ZNF362: variants seen among roughly 807,000 people sequenced by gnomAD.
The protein encoded by ZNF362 is rotund homolog.
A neutral mutation model predicts 42.9 loss-of-function variants in ZNF362; 11 were observed. That is an observed-to-expected ratio of 0.26 (90% CI 0.16 to 0.42). ZNF362 has a LOEUF of 0.42. ZNF362 is among the 20% of genes least tolerant of loss of function. The pLI is 1.00. For missense variants in ZNF362, 362 were observed against 576.2 expected, an observed-to-expected ratio of 0.63 and a Z score of 3.81; for synonymous variants, 255 against 257.3, an observed-to-expected ratio of 0.99 and a Z score of 0.09.
At chr1:33,274,705 C>G (rs896223227) in intron 2 of ZNF362, among the ~76,000 whole-genome samples, 4 of 152,184 alleles carry the variant, frequency 2.6e-5, no homozygotes, top group African/African-American at 9.7e-5. Flanking sequence ...ATTTGCTCTT[C>G]CAAAGACTAG....
chr1:33,214,234 A>G, the ZNF362 span, among the ~76,000 whole-genome samples: 5 of 152,248 alleles, frequency 3.3e-5, no homozygotes, highest in Non-Finnish European at 7.3e-5. Context: ...TGCTAAGAAC[A>G]TTCACTGGGG....
At chr1:33,214,072 A>G in the ZNF362 span, among the ~76,000 whole-genome samples, 1 of 152,188 alleles carries the variant, frequency 6.6e-6, no homozygotes, top group Non-Finnish European at 1.5e-5. Flanking sequence ...AAAATGTGAA[A>G]TAAGAAAAAA....
the ZNF362 span, among the ~76,000 whole-genome samples, chr1:33,243,603 C>CT: frequency 6.8e-3 from 963 of 141,224 alleles, 14 homozygotes; most frequent in African/African-American, 0.02. Context: ...ATTTTCTTTT[C>CT]TTTTTTTTTT....
In ZNF362 at chr1:33,276,147, C is replaced by A. The variant is rs1342062443; in HGVS notation, c.86C>A (p.Pro29His). 3.1e-6 allele frequency: 5 copies of A among 1,613,846 alleles called. No homozygotes were observed. Among genetic ancestry groups the A allele is most frequent in the Non-Finnish European group, 4.2e-6 (5 of 1,180,016 alleles). ...AACCCCTACTTCTGGCCCCCTCCTC[C>A]CACCATGCCCAGCCAGGTAAGACTG... Reference protein sequence around the residue: ...FNNPYFWPPPPTMPSQLDNLV... With the variant: ...FNNPYFWPPPHTMPSQLDNLV... Residue 29 changes from proline (P) to histidine (H), a missense_variant, in exon 3 of 9, where the codon CCC becomes CAC. Physicochemically the swap from Pro to His is moderately conservative, Grantham distance 77 (BLOSUM62 -2). Around this residue, in one of 3 missense-constraint regions of ZNF362, gnomAD observed 266 missense variants for 365.4 expected, o/e 0.73. Coordinates refer to ENST00000539719, the MANE Select transcript of ZNF362 (RefSeq NM_152493.3).
chr1:33,230,696 G>A, the ZNF362 span, among the ~76,000 whole-genome samples: 2 of 152,326 alleles, frequency 1.3e-5, no homozygotes, highest in Non-Finnish European at 2.9e-5. Flanking sequence ...ATACAGCAGC[G>A]CAAGCTGGAA....
chr1:33,298,965 G>A lies in ZNF362; in HGVS notation c.1182G>A (p.Thr394=), dbSNP rs778462264. 26 of 1,613,742 alleles carry A rather than the reference G, an allele frequency of 1.6e-5. No individual in the cohort carries two copies. Among genetic ancestry groups the A allele is most frequent in the African/African-American group, 8.0e-5 (6 of 74,932 alleles). The stretch of plus-strand genomic sequence containing the variant: ...TGATGAAGCACATGTCCAAACACAC[G>A]GTGGTGGAGCACCTGGTGAGCCATC... ...TYLMKHMSKH[T]VVEHLVSHHS... The change falls in exon 9 of 9, where the codon ACG becomes ACA. Residue 394 remains threonine (T), a synonymous_variant. Transcript: ENST00000539719.
intron 6 of ZNF362, among the ~76,000 whole-genome samples, chr1:33,284,444 G>A (rs536857404): frequency 6.6e-5 from 10 of 152,290 alleles, no homozygotes; most frequent in South Asian, 2.1e-4. Flanking sequence ...ACTAATGATC[G>A]TAAAAGAAAA....
chr1:33,170,750 A>G, the ZNF362 span, among the ~76,000 whole-genome samples: 1 of 152,184 alleles, frequency 6.6e-6, no homozygotes, highest in South Asian at 2.1e-4. Context: ...TTCCTTGGTT[A>G]GAAGACTGGC....
At chr1:33,147,782 C>T in the ZNF362 span, 11 of 1,556,338 alleles carry the variant, frequency 7.1e-6, no homozygotes, top group Non-Finnish European at 9.6e-6. The surrounding 1 kb of genome is among the most constrained non-coding windows in gnomAD (Gnocchi z 8.1). Context: ...TGTGGACCCA[C>T]CATGCAGTGC....
Position 33,266,815 on chromosome 1 carries a change from T to G in ZNF362, c.-88-3672T>G, listed in dbSNP as rs2148073353. Among the ~76,000 whole-genome samples the G allele has an allele frequency of 6.6e-6, 1 of 152,284 alleles. No homozygotes were observed. The highest frequency in any genetic ancestry group is 2.4e-5 in the African/African-American group (1 of 41,560). On this transcript the variant is annotated intron_variant, in intron 1 of 8. Coordinates refer to ENST00000539719, the MANE Select transcript of ZNF362 (RefSeq NM_152493.3). This position sits in a 1 kb window ranked among gnomAD's most constrained non-coding sequence, Gnocchi z 4.3. ...CACCTTGTTCTGGGGGCCCTGATGC[T>G]GGAGGGATGCTGCCAAGGAGCACAC...
chr1:33,200,216 G>GCTGCTTA, the ZNF362 span: 2 of 151,996 alleles, frequency 1.3e-5, no homozygotes, highest in Non-Finnish European at 2.9e-5. Context: ...AAATACCTTA[G>GCTGCTTA]GCAAGAAGCT....
the ZNF362 span, among the ~76,000 whole-genome samples, chr1:33,251,023 A>T: frequency 6.6e-6 from 1 of 152,174 alleles, no homozygotes; most frequent in African/African-American, 2.4e-5. Flanking sequence ...TTAAGCCGAC[A>T]TGAGAGAGGA....
the ZNF362 span, among the ~76,000 whole-genome samples, chr1:33,202,071 A>C: frequency 6.6e-6 from 1 of 152,270 alleles, no homozygotes; most frequent in Non-Finnish European, 1.5e-5. Flanking sequence ...ACTCAAGAAG[A>C]AATAAATAAC....
rs1350707121 is a variant in ZNF362 at position 33,279,786 on chromosome 1, G to A, written c.350-338G>A. 2.9e-4 allele frequency among the ~76,000 whole-genome samples: 44 copies of A among 152,036 alleles called. 1 individual carries two copies. The highest frequency in any genetic ancestry group is 2.9e-3 in the Admixed American group (44 of 15,268). On this transcript the variant is annotated intron_variant, in intron 4 of 8. Transcript: ENST00000539719. ...CTTTTCAATGGGCAGTTCAGTAGAG[G>A]CAATTAATTGCTGTTTACCGAATCC...
the ZNF362 span, among the ~76,000 whole-genome samples, chr1:33,212,536 G>A: frequency 1.3e-5 from 2 of 152,160 alleles, no homozygotes; most frequent in Non-Finnish European, 2.9e-5. Context: ...GGCTGTACAG[G>A]AAGCATGGCG....
chr1:33,286,398 A>G (rs1646032897), intron 6 of ZNF362, among the ~76,000 whole-genome samples: 1 of 152,082 alleles, frequency 6.6e-6, no homozygotes, highest in Non-Finnish European at 1.5e-5. Context: ...CCAAAAAAAA[A>G]GCAACAAAAA....
the ZNF362 span, among the ~76,000 whole-genome samples, chr1:33,223,330 A>G: frequency 6.6e-6 from 1 of 152,178 alleles, no homozygotes; most frequent in Admixed American, 6.5e-5. Flanking sequence ...GCCCTGTGAG[A>G]TGTGCCTTTT....
the ZNF362 span, among the ~76,000 whole-genome samples, chr1:33,211,967 A>G: frequency 6.6e-6 from 1 of 152,176 alleles, no homozygotes; most frequent in Non-Finnish European, 1.5e-5. Flanking sequence ...CCCCACCCAA[A>G]TCTCACATTC....
At chr1:33,193,004 C>CATATAT in the ZNF362 span, among the ~76,000 whole-genome samples, 20 of 137,294 alleles carry the variant, frequency 1.5e-4, no homozygotes, top group African/African-American at 4.2e-4. Context: ...CACACACACA[C>CATATAT]ATATATATAT....
Sources: gnomAD v4.1 joint callset for allele counts (sites outside exome capture counted in the v4.1 genomes callset) on GRCh38, gnomAD v4.1.1 for gene constraint, gnomAD v4.1.1 regional missense constraint, Gnocchi (gnomAD v3.1) non-coding constraint, MANE v1.5 for transcripts, NCBI Gene and HGNC (gene_info 2026-07-23, HGNC 2026-07-21) for gene names.